The following SARS1 variants were observed in gnomAD, a reference collection of about 807,000 sequenced individuals.
SARS1 encodes seryl-tRNA synthetase 1, also known as serine--tRNA ligase, cytoplasmic.
SARS1 carries 25 observed loss-of-function variants against 63.7 expected under a neutral mutation model. The ratio of observed to expected loss-of-function variants is 0.39; its 90% CI spans 0.29 to 0.55. The LOEUF (loss-of-function observed/expected upper bound fraction) is 0.55. Among genes scored for constraint, SARS1 ranks in the 20% least tolerant of loss-of-function variants. The pLI is 0.62. For missense variants in SARS1, 417 were observed against 649.7 expected (o/e 0.64, Z 3.89); for synonymous variants, 231 against 243.5 (o/e 0.95, Z 0.48).
At chr1:109,233,862 AT>A (rs1164453054) in intron 6 of SARS1, among the ~76,000 whole-genome samples, 1,719 of 65,974 alleles carry the variant, frequency 0.026, 30 homozygotes, top group African/African-American at 0.074. Context: ...CACCTGGCTA[AT>A]TTTTTTTTTT....
chr1:109,214,379 C>T lies in SARS1; in HGVS notation c.136+251C>T, dbSNP rs1379292982. On this transcript the variant is annotated intron_variant, in intron 1 of 10. Coordinates refer to ENST00000234677, the MANE Select transcript of SARS1 (RefSeq NM_006513.4). This position sits in a 1 kb window ranked among gnomAD's most constrained non-coding sequence, Gnocchi z 4.6. ...GTGCCGTTCGCTGCCAGTGTGCGTACGCACGCGCATCGGGAGCTGTCAAGC... is the reference window on the plus strand; with the variant it reads ...GTGCCGTTCGCTGCCAGTGTGCGTATGCACGCGCATCGGGAGCTGTCAAGC... 6.6e-6 allele frequency among the ~76,000 whole-genome samples: 1 copy of T among 152,252 alleles called. No individual in the cohort carries two copies. The highest frequency in any genetic ancestry group is 1.9e-4 in the East Asian group (1 of 5,194).
chr1:109,234,788 A>G (rs113555747), intron 6 of SARS1, among the ~76,000 whole-genome samples: 1,615 of 152,276 alleles, frequency 0.011, 30 homozygotes, highest in African/African-American at 0.037. Context: ...CAACATGGTG[A>G]AACCTTGTCT....
intron 1 of SARS1, among the ~76,000 whole-genome samples, chr1:109,221,982 A>G (rs536987966): frequency 0.38 from 1,964 of 5,206 alleles, 294 homozygotes; most frequent in African/African-American, 0.46. Flanking sequence ...ATATATATAT[A>G]TATATATATA....
chr1:109,222,002 ATATATATATT>A (rs1557715429), intron 1 of SARS1, among the ~76,000 whole-genome samples: 74 of 11,630 alleles, frequency 6.4e-3, no homozygotes, highest in African/African-American at 0.026. Context: ...ATATATATAT[ATATATATATT>A]TTTTTTTTTT....
rs1654743178 is a variant in SARS1, at chr1:109,214,600, C to T, written c.136+472C>T. 1.1e-5 allele frequency: 11 copies of T among 985,946 alleles called. No homozygotes were observed. The highest frequency in any genetic ancestry group is 1.3e-5 in the Non-Finnish European group (11 of 830,316). The allele number at this position is 985,946 out of a possible 1,614,324, so 61.1% of individuals were successfully genotyped here. On this transcript the variant is annotated intron_variant, in intron 1 of 10. Coordinates refer to ENST00000234677, the MANE Select transcript of SARS1 (RefSeq NM_006513.4). The surrounding 1 kb of genome is among the most constrained non-coding windows in gnomAD (Gnocchi z 4.6). ...ACTTCTGCAACACAGTAGATTCATT[C>T]CTTCGGTATCGGAAGCATTTCGGGG... is the stretch of plus-strand genomic sequence containing the variant.
chr1:109,226,139 G>C (rs1280986510), intron 2 of SARS1, among the ~76,000 whole-genome samples: 1 of 147,040 alleles, frequency 6.8e-6, no homozygotes, highest in Admixed American at 6.8e-5. Flanking sequence ...CACCACACTC[G>C]GCTAATTTTT....
intron 2 of SARS1, among the ~76,000 whole-genome samples, chr1:109,225,076 T>C (rs150904552): frequency 2.6e-3 from 396 of 152,284 alleles, no homozygotes; most frequent in African/African-American, 9.2e-3. Flanking sequence ...CTGAGCTCCA[T>C]CCAGCCTGGG....
At chr1:109,216,179 G>A (rs1654780966) in intron 1 of SARS1, 1 of 985,246 alleles carries the variant, frequency 1.0e-6, no homozygotes, top group Admixed American at 6.2e-5. Context: ...TCAGATCAGA[G>A]GATGGAGTTC....
At chr1:109,231,522 C>A in intron 5 of SARS1, 109 bp from the exon 6 acceptor site, 1 of 913,048 alleles carries the variant, frequency 1.1e-6, no homozygotes, top group Non-Finnish European at 1.5e-6. Flanking sequence ...CTCCTGCTTG[C>A]CCCTCGGTAG....
chr1:109,231,325 C>CA (rs1481936965), intron 5 of SARS1: 1 of 276,342 alleles, frequency 3.6e-6, no homozygotes, highest in Non-Finnish European at 6.6e-6. Context: ...ATTGGACAGT[C>CA]AGACAAGTAA....
intron 1 of SARS1, among the ~76,000 whole-genome samples, chr1:109,222,257 T>C (rs1175368717): frequency 6.6e-6 from 1 of 151,636 alleles, no homozygotes; most frequent in Non-Finnish European, 1.5e-5. Context: ...GTTGGAAAAA[T>C]AGTAGAAAGG....
In SARS1 at chr1:109,237,092, A is replaced by G. The variant is rs1655326882; in HGVS notation, c.1258-152A>G. 16 of 1,303,940 alleles carry G rather than the reference A, an allele frequency of 1.2e-5. No homozygotes were observed. The highest frequency in any genetic ancestry group is 1.7e-5 in the Non-Finnish European group (16 of 962,994). 80.8% of individuals were successfully genotyped at this position (1,303,940 alleles called of 1,614,324 possible). ...TAGGCAATAAATACCAAATAATTCA[A>G]ATTTAGAAAAAAGTTGCTAAGGGGT... On this transcript the variant is annotated intron_variant, in intron 9 of 10. Transcript: ENST00000234677. This position sits in a 1 kb window ranked among gnomAD's most constrained non-coding sequence, Gnocchi z 4.1.
At position 109,236,443 on chromosome 1, in the gene SARS1, G is replaced by A. The variant is rs372365130; in HGVS notation, c.1152G>A (p.Pro384=). The A allele has an allele frequency of 9.8e-5, 157 of 1,600,940 alleles. No individual in the cohort carries two copies. The highest frequency in any genetic ancestry group is 1.2e-4 in the Non-Finnish European group (143 of 1,168,990). ...SKKLDLEAWF[P]GSGAFRELVS... ...AGCTTGACCTGGAGGCCTGGTTTCC[G>A]GGCTCAGGAGCCTTCCGTGAGTTGG... is the stretch of plus-strand genomic sequence containing the variant. Residue 384 remains proline (P), a synonymous_variant, in exon 9 of 11, where the codon CCG becomes CCA. Coordinates refer to ENST00000234677, the MANE Select transcript of SARS1 (RefSeq NM_006513.4).
chr1:109,222,883 C>T (rs1382829338), intron 1 of SARS1, among the ~76,000 whole-genome samples: 11 of 152,130 alleles, frequency 7.2e-5, no homozygotes, highest in African/African-American at 7.2e-5. Context: ...GGTGTGGTGG[C>T]GCACACCTGT....
chr1:109,220,601 G>A (rs972664480), intron 1 of SARS1, among the ~76,000 whole-genome samples: 8 of 152,120 alleles, frequency 5.3e-5, no homozygotes, highest in African/African-American at 1.9e-4. Context: ...ATATCGTGTG[G>A]ATAGAAGAAT....
intron 4 of SARS1, among the ~76,000 whole-genome samples, chr1:109,229,993 T>TC (rs1410865173): frequency 6.6e-6 from 1 of 152,124 alleles, no homozygotes; most frequent in Non-Finnish European, 1.5e-5. Flanking sequence ...CAGCCTTTGT[T>TC]CCCCGACACC....
At chr1:109,230,352 A>AGTGAT (rs1312223870) in intron 4 of SARS1, among the ~76,000 whole-genome samples, 3 of 152,102 alleles carry the variant, frequency 2.0e-5, no homozygotes, top group Non-Finnish European at 4.4e-5. Flanking sequence ...TTTCATGGCT[A>AGTGAT]GAATTACTTC....
At chr1:109,221,960 T>TTTTTTTTG (rs771565091) in intron 1 of SARS1, among the ~76,000 whole-genome samples, 274 of 10,038 alleles carry the variant, frequency 0.027, 19 homozygotes, top group African/African-American at 0.037. Context: ...GCTAATTTTT[T>TTTTTTTTG]TGTGTGTGTG....
rs758960811 is a variant in SARS1 at position 109,235,830 on chromosome 1, T to G, written c.970-147T>G. The G allele has an allele frequency of 1.4e-6, 1 of 739,866 alleles. No homozygotes were observed. The highest frequency in any genetic ancestry group is 2.2e-6 in the Non-Finnish European group (1 of 445,068). The allele number at this position is 739,866 out of a possible 1,614,324, so 45.8% of individuals were successfully genotyped here. On this transcript the variant is annotated intron_variant, in intron 7 of 10. Coordinates refer to ENST00000234677, the MANE Select transcript of SARS1 (RefSeq NM_006513.4). The surrounding 1 kb of genome is among the most constrained non-coding windows in gnomAD (Gnocchi z 4.7). ...AAGCTCGCACCATAAGCATTTGCTC[T>G]TGTGGTCCAGTCCCAGTTGCTGGGG... is the stretch of plus-strand genomic sequence containing the variant.
Sources: gnomAD v4.1 joint callset for allele counts (sites outside exome capture counted in the v4.1 genomes callset) on GRCh38, gnomAD v4.1.1 for gene constraint, Gnocchi (gnomAD v3.1) non-coding constraint, MANE v1.5 for transcripts, NCBI Gene and HGNC (gene_info 2026-07-23, HGNC 2026-07-21) for gene names.